Variants in KDM5C observed in about 807,000 individuals in gnomAD.
The protein encoded by KDM5C is lysine-specific demethylase 5C.
KDM5C carries 16 observed loss-of-function variants against 110.6 expected under a neutral mutation model. The ratio of observed to expected loss-of-function variants is 0.14; its 90% confidence interval spans 0.10 to 0.22. The LOEUF is 0.22. Ranked by LOEUF, KDM5C falls within the 10% of genes least tolerant of loss-of-function variation. KDM5C has a pLI of 1.00. For synonymous variants in KDM5C, 511 were observed against 520.4 expected (o/e 0.98, Z 0.24); for missense variants, 681 against 1,300.9 (o/e 0.52, Z 7.33).
chrX:53,217,016 C>T (rs1248756816), intron 5 of KDM5C, 127 bp downstream of exon 5: 17 of 834,760 alleles, frequency 2.0e-5, no homozygotes, highest in African/African-American at 1.6e-4. Flanking sequence ...GAGAGGCACA[C>T]TAATGCTCAG....
At position 53,194,558 on chromosome X, in the gene KDM5C, C is replaced by T; in HGVS notation, c.3619G>A (p.Asp1207Asn). The T allele has an allele frequency of 8.3e-7, 1 of 1,211,945 alleles. No homozygotes were observed. The highest frequency in any genetic ancestry group is 1.8e-5 in the South Asian group (1 of 56,961). Residue 1207 changes from aspartate (D) to asparagine (N), a missense_variant, in exon 23 of 26, where the codon GAC becomes AAC. By Grantham distance (23) the Asp-to-Asn change is conservative. Coordinates refer to ENST00000375401, the MANE Select transcript of KDM5C (RefSeq NM_004187.5). ...GACACACACCGCCCATGGAACCAGT[C>T]CTGACACAGGTCACACTGCAGAGCT... ...AGALQCDLCQDWFHGRCVSVP... is the reference protein window; with the variant it reads ...AGALQCDLCQNWFHGRCVSVP...
In KDM5C at chrX:53,210,456, G is replaced by A. The variant is rs2073527173; in HGVS notation, c.1704C>T (p.Val568=). ...TGAGGGTGTTGGGATTCATGAGGGT[G>A]ACAAGTTGGTGCAGGAGGTCAGGCT... The part of the protein sequence containing the change: ...DSQPDLLHQL[V]TLMNPNTLMS... Residue 568 remains valine, a synonymous_variant, in exon 12 of 26, where the codon GTC becomes GTT. Transcript: ENST00000375401. 8.3e-7 allele frequency: 1 copy of A among 1,210,606 alleles called. No individual in the cohort carries two copies. Among genetic ancestry groups the A allele is most frequent in the Non-Finnish European group, 1.1e-6 (1 of 895,367 alleles).
rs1391631027 is a variant in KDM5C, at chrX:53,198,555, G to A, written c.2451C>T (p.Asn817=). The A allele has an allele frequency of 1.7e-6, 2 of 1,209,562 alleles. No individual in the cohort carries two copies. The highest frequency in any genetic ancestry group is 2.2e-6 in the Non-Finnish European group (2 of 894,722). The change falls in exon 17 of 26, where the codon AAC becomes AAT. Residue 817 remains asparagine, a synonymous_variant. Transcript: ENST00000375401. ...PNSELLQQLK[N]CLSEAEACVS... ...CGCAAGCCTCTGCCTCACTCAGGCA[G>A]TTCTTTAGTTGCTGCAGCAGCTCAC...
rs374455833 is a variant in KDM5C, at chrX:53,217,789, T to A, written c.522+7A>T. On this transcript the variant is annotated splice_region_variant and intron_variant, in intron 4 of 25. Coordinates refer to ENST00000375401, the MANE Select transcript of KDM5C (RefSeq NM_004187.5). Reference sequence around the variant, plus strand: ...AGCCGCACCCTGCCCCACTGTGACATCCTTACCACAAGGTTGGCTCCAGAC... The same window carrying A: ...AGCCGCACCCTGCCCCACTGTGACAACCTTACCACAAGGTTGGCTCCAGAC... 1 of 1,208,668 alleles carries A rather than the reference T, an allele frequency of 8.3e-7. No homozygotes were observed. The highest frequency in any genetic ancestry group is 1.8e-5 in the African/African-American group (1 of 57,033).
rs2146814892 is a variant in KDM5C, at chrX:53,193,485, C to T, written c.4269G>A (p.Leu1423=). The change falls in exon 25 of 26, where the codon CTG becomes CTA. Residue 1423 remains leucine, a synonymous_variant. Transcript: ENST00000375401. ...LDENHSIWQL[L]QAGQPPDLER... The stretch of plus-strand genomic sequence containing the variant: ...CCAGGTCTGGGGGCTGTCCAGCCTG[C>T]AGCAGCTGCCATATGCTGTGGTTCT... The T allele has an allele frequency of 3.3e-6, 4 of 1,211,867 alleles. No individual in the cohort carries two copies. Among genetic ancestry groups the T allele is most frequent in the Non-Finnish European group, 4.5e-6 (4 of 895,542 alleles).
chrX:53,218,105 C>T lies in KDM5C; in HGVS notation c.352-139G>A. ...CTGGGGGCTATCCCCTTATCCCAAC[C>T]TCAAATTGCAGCAAAAGATTCCAAG... On this transcript the variant is annotated intron_variant, in intron 3 of 25. Transcript: ENST00000375401. The T allele has an allele frequency of 2.1e-5, 19 of 896,662 alleles. No individual in the cohort carries two copies. In the South Asian group the frequency reaches 4.1e-4, roughly 19 times the overall value. 73.9% of individuals were successfully genotyped at this position (896,662 alleles called of 1,213,427 possible).
rs1934495935 is a variant in KDM5C at position 53,192,642 on chromosome X, T to C, written c.*325A>G. On this transcript the variant is annotated 3_prime_UTR_variant, in exon 26 of 26. Transcript: ENST00000375401. ...AGAGTCCCCCAGTTTGCATATACAC[T>C]GGCCTTGTCTCTGGAATGGTGATGG... The C allele has an allele frequency of 3.2e-6, 3 of 923,644 alleles. No homozygotes were observed. The highest frequency in any genetic ancestry group is 2.2e-5 in the South Asian group (1 of 45,107). 76.1% of individuals were successfully genotyped at this position (923,644 alleles called of 1,213,427 possible).
intron 8 of KDM5C, chrX:53,212,740 C>T (rs1429480625): frequency 9.1e-6 from 1 of 110,140 alleles, no homozygotes; most frequent in African/African-American, 3.3e-5. Flanking sequence ...TGGCTCATGC[C>T]TGTAAACCCA....
In KDM5C at chrX:53,192,330, G is replaced by C. The variant is rs1602155222; in HGVS notation, c.*637C>G. The C allele has an allele frequency of 5.6e-6, 1 of 178,451 alleles. No individual in the cohort carries two copies. Among genetic ancestry groups the C allele is most frequent in the Middle Eastern group, 1.7e-3 (1 of 572 alleles). 14.7% of individuals were successfully genotyped at this position (178,451 alleles called of 1,213,427 possible). On this transcript the variant is annotated 3_prime_UTR_variant, in exon 26 of 26. Transcript: ENST00000375401. The stretch of plus-strand genomic sequence containing the variant: ...TATTACAACATGAACCCAGGAGGAG[G>C]AAAGGAGACAGGGGAGGACAGGGAG...
chrX:53,181,430 C>A (rs2146786200), intron 25 of KDM5C, among the ~76,000 whole-genome samples: 1 of 110,709 alleles, frequency 9.0e-6, no homozygotes, highest in Non-Finnish European at 1.9e-5. Flanking sequence ...AGCCCTTCTT[C>A]CCCAGTCTAT....
intron 12 of KDM5C, among the ~76,000 whole-genome samples, chrX:53,206,962 G>A (rs2073355054): frequency 9.6e-6 from 1 of 104,435 alleles, no homozygotes; most frequent in South Asian, 4.4e-4. Flanking sequence ...ATCACCTGAG[G>A]TCAGGAGTTC....
Position 53,195,327 on chromosome X carries a change from C to G in KDM5C, c.3204G>C (p.Leu1068=). The change falls in exon 21 of 26, where the codon CTG becomes CTC. Residue 1068 remains leucine, a synonymous_variant. Transcript: ENST00000375401. The part of the protein sequence containing the change: ...GRDLPVGLEE[L]RQLELQVLTA... The stretch of plus-strand genomic sequence containing the variant: ...TCAGTACCTGTAGCTCTAGCTGTCT[C>G]AGCTCCTCCAGCCCCACAGGTAGGT... 1 of 1,205,343 alleles carries G rather than the reference C, an allele frequency of 8.3e-7. No individual in the cohort carries two copies. Among genetic ancestry groups the G allele is most frequent in the Non-Finnish European group, 1.1e-6 (1 of 891,821 alleles).
At chrX:53,195,797 T>C (rs1934797963) in intron 20 of KDM5C, 119 bp downstream of exon 20, 1 of 762,807 alleles carries the variant, frequency 1.3e-6, no homozygotes, top group Non-Finnish European at 1.9e-6. Context: ...CTACATGCCA[T>C]GCCCCCTTCC....
intron 8 of KDM5C, 47 bp downstream of exon 8, chrX:53,214,642 A>C (rs1347369056): frequency 5.1e-6 from 6 of 1,171,930 alleles, no homozygotes; most frequent in African/African-American, 3.6e-5. Flanking sequence ...CAGATGAAGG[A>C]AGGCAAGGAA....
intron 25 of KDM5C, among the ~76,000 whole-genome samples, chrX:53,183,595 G>GAC (rs1934131279): frequency 2.9e-5 from 3 of 102,218 alleles, no homozygotes; most frequent in Non-Finnish European, 6.0e-5. Context: ...TTGAGACGGA[G>GAC]TCTTGCTCTG....
At chrX:53,207,642 CAT>C (rs1247816112) in intron 12 of KDM5C, among the ~76,000 whole-genome samples, 5 of 111,913 alleles carry the variant, frequency 4.5e-5, no homozygotes, top group African/African-American at 1.6e-4. Flanking sequence ...GGAAAGAGGA[CAT>C]GTTTATTTTA....
intron 12 of KDM5C, among the ~76,000 whole-genome samples, chrX:53,208,005 A>T (rs1212107472): frequency 7.4e-5 from 8 of 107,839 alleles, no homozygotes; most frequent in African/African-American, 2.7e-4. Context: ...AGAAAATAAT[A>T]CTTACATTAC....
intron 17 of KDM5C, among the ~76,000 whole-genome samples, 167 bp downstream of exon 17, chrX:53,198,323 T>C (rs2073026813): frequency 8.9e-6 from 1 of 112,214 alleles, no homozygotes; most frequent in South Asian, 3.7e-4. Flanking sequence ...CCTGGTCTCC[T>C]TGTCCCCCCC....
In KDM5C at chrX:53,211,853, G is replaced by A; in HGVS notation, c.1176C>T (p.Tyr392=). ...AFGFEQATRE[Y]TLQSFGEMAD... ...CCATCTCGCCAAAGCTCTGCAGAGTGTATTCCCGGGTAGCCTGCTCAAAGC... is the reference window on the plus strand; with the variant it reads ...CCATCTCGCCAAAGCTCTGCAGAGTATATTCCCGGGTAGCCTGCTCAAAGC... Residue 392 remains tyrosine (Y), a synonymous_variant, in exon 9 of 26, where the codon TAC becomes TAT. Transcript: ENST00000375401. 8.3e-7 allele frequency: 1 copy of A among 1,210,435 alleles called. No homozygotes were observed. Among genetic ancestry groups the A allele is most frequent in the Non-Finnish European group, 1.1e-6 (1 of 894,458 alleles).
Sources: gnomAD v4.1 joint callset for allele counts (sites outside exome capture counted in the v4.1 genomes callset) on GRCh38, gnomAD v4.1.1 for gene constraint, MANE v1.5 for transcripts, NCBI Gene and HGNC (gene_info 2026-07-23, HGNC 2026-07-21) for gene names.